THSD7B: variants seen among roughly 807,000 people sequenced by gnomAD.
THSD7B encodes the protein thrombospondin type 1 domain containing 7B, also known as thrombospondin type-1 domain-containing protein 7B.
A neutral mutation model predicts 213.6 loss-of-function variants in THSD7B; 138 were observed. The observed-to-expected ratio is 0.65, with a 90% confidence interval of 0.56 to 0.74. The LOEUF (loss-of-function observed/expected upper bound fraction) is 0.74. THSD7B is among the 30% of genes least tolerant of loss of function. THSD7B has a pLI of 0.00. For missense variants in THSD7B, 1,931 were observed against 1,991.5 expected, an observed-to-expected ratio of 0.97 and a Z score of 0.58; for synonymous variants, 742 against 687.0, an observed-to-expected ratio of 1.08 and a Z score of -1.25.
intron 3 of THSD7B, among the ~76,000 whole-genome samples, chr2:137,059,188 C>T (rs1056846691): frequency 2.6e-5 from 4 of 152,014 alleles, no homozygotes; most frequent in African/African-American, 9.7e-5. Flanking sequence ...AAAAAGAGAG[C>T]ACTCTATGTC....
intron 25 of THSD7B, 52 bp from the exon 26 acceptor site, chr2:137,663,331 A>T: frequency 7.3e-7 from 1 of 1,375,138 alleles, no homozygotes; most frequent in Non-Finnish European, 9.7e-7. Flanking sequence ...ATTTTTATTC[A>T]TTCACCTGTT....
chr2:137,184,948 A>G (rs928672318), intron 7 of THSD7B, among the ~76,000 whole-genome samples: 2 of 152,162 alleles, frequency 1.3e-5, no homozygotes, highest in East Asian at 1.9e-4. Context: ...TGAATTATAT[A>G]TAGTTAGTTA....
At chr2:137,043,425 C>T (rs1332563399) in intron 2 of THSD7B, among the ~76,000 whole-genome samples, 1 of 152,048 alleles carries the variant, frequency 6.6e-6, no homozygotes, top group African/African-American at 2.4e-5. Flanking sequence ...AGGTGTTTCT[C>T]AGTGACCTCG....
intron 1 of THSD7B, among the ~76,000 whole-genome samples, chr2:136,825,526 C>T (rs1682631329): frequency 6.6e-6 from 1 of 151,950 alleles, no homozygotes; most frequent in African/African-American, 2.4e-5. Flanking sequence ...CTTCTTTTCT[C>T]TCATCTTTTT....
intron 14 of THSD7B, among the ~76,000 whole-genome samples, chr2:137,414,674 T>C (rs891098105): frequency 2.0e-5 from 3 of 152,100 alleles, no homozygotes; most frequent in Non-Finnish European, 4.4e-5. Context: ...GAGCCATGAT[T>C]GTGTCACTGC....
chr2:136,845,372 T>C (rs7598540), intron 1 of THSD7B, among the ~76,000 whole-genome samples: 21,188 of 152,282 alleles, frequency 0.14, 2,200 homozygotes, highest in Non-Finnish European at 0.22. Flanking sequence ...TAAATTCTGC[T>C]TCAGGGAAGG....
At chr2:137,212,787 T>C (rs1470285144) in intron 7 of THSD7B, among the ~76,000 whole-genome samples, 1 of 152,016 alleles carries the variant, frequency 6.6e-6, no homozygotes, top group Non-Finnish European at 1.5e-5. Context: ...TGTGAAAACA[T>C]GCACTGAGTC....
chr2:137,569,131 C>T (rs1459834177), intron 16 of THSD7B, among the ~76,000 whole-genome samples: 1 of 152,022 alleles, frequency 6.6e-6, no homozygotes, highest in African/African-American at 2.4e-5. Flanking sequence ...TTGCTGCCTC[C>T]GGAGATGGAG....
At chr2:137,505,741 C>G (rs1679819173) in intron 15 of THSD7B, among the ~76,000 whole-genome samples, 1 of 152,170 alleles carries the variant, frequency 6.6e-6, no homozygotes. Context: ...AGTTGGTATA[C>G]TCACAGTTCC....
chr2:137,571,244 A>G (rs1170245749), intron 16 of THSD7B, among the ~76,000 whole-genome samples: 2 of 152,160 alleles, frequency 1.3e-5, no homozygotes, highest in East Asian at 3.9e-4. Flanking sequence ...TCTTTGGTTC[A>G]ACATTATATT....
rs74887022 is a variant in THSD7B, at chr2:137,182,360, G to A, written c.1723+11422G>A. Among the ~76,000 whole-genome samples, 583 of 152,290 alleles carry A rather than the reference G, an allele frequency of 3.8e-3. 6 individuals carry two copies. The highest frequency in any genetic ancestry group is 0.013 in the African/African-American group (544 of 41,558). ...GAATTAATTCTGACTGGAGAGAGCTGTGTGCCTGGAGAACATAATATTGAC... is the reference window on the plus strand; with the variant it reads ...GAATTAATTCTGACTGGAGAGAGCTATGTGCCTGGAGAACATAATATTGAC... On this transcript the variant is annotated intron_variant, in intron 7 of 27. Coordinates refer to ENST00000409968, the MANE Select transcript of THSD7B (RefSeq NM_001316349.2).
intron 5 of THSD7B, among the ~76,000 whole-genome samples, chr2:137,154,506 A>G (rs1302901434): frequency 6.6e-6 from 1 of 152,180 alleles, no homozygotes; most frequent in Non-Finnish European, 1.5e-5. Context: ...TATTAATTAT[A>G]ATTAATTAAA....
chr2:137,417,575 G>C (rs1321931230), intron 14 of THSD7B, among the ~76,000 whole-genome samples: 1 of 151,950 alleles, frequency 6.6e-6, no homozygotes, highest in Non-Finnish European at 1.5e-5. Context: ...GAGTATCTAG[G>C]ACTACTGGCT....
intron 15 of THSD7B, among the ~76,000 whole-genome samples, chr2:137,551,024 T>C (rs886478015): frequency 4.0e-5 from 6 of 150,690 alleles, no homozygotes; most frequent in South Asian, 2.1e-4. Context: ...AATAAATAAA[T>C]AATAAAAAAG....
intron 5 of THSD7B, among the ~76,000 whole-genome samples, chr2:137,146,526 C>T (rs1679706648): frequency 6.6e-6 from 1 of 152,068 alleles, no homozygotes; most frequent in Non-Finnish European, 1.5e-5. Flanking sequence ...TAGTAGTACT[C>T]ATCTCATAGA....
chr2:137,094,841 G>A (rs1688010683), intron 3 of THSD7B, 32 bp from the exon 4 acceptor site: 1 of 1,598,480 alleles, frequency 6.3e-7, no homozygotes, highest in African/African-American at 1.3e-5. Flanking sequence ...ATTAATATAT[G>A]GCCTCCTATT....
intron 15 of THSD7B, among the ~76,000 whole-genome samples, chr2:137,505,812 A>G (rs935199230): frequency 5.3e-5 from 8 of 152,226 alleles, no homozygotes; most frequent in Non-Finnish European, 7.3e-5. Flanking sequence ...GCTGTCAGGA[A>G]GCAGAGGGAG....
At position 137,341,155 on chromosome 2, in the gene THSD7B, G is replaced by A. The variant is rs147979881; in HGVS notation, c.2501-64458G>A. Among the ~76,000 whole-genome samples, 1,464 of 151,588 alleles carry A rather than the reference G, an allele frequency of 9.7e-3. 8 individuals are homozygous for A. Among genetic ancestry groups the A allele is most frequent in the South Asian group, 0.021 (101 of 4,816 alleles). Reference sequence around the variant, plus strand: ...GAATAGCCATTCTAATATGTGAGACGATACCTCACTGTGGTTTTAATTTGC... The same window carrying A: ...GAATAGCCATTCTAATATGTGAGACAATACCTCACTGTGGTTTTAATTTGC... On this transcript the variant is annotated intron_variant, in intron 12 of 27. Transcript: ENST00000409968.
chr2:137,037,433 C>A (rs541506831), intron 2 of THSD7B, among the ~76,000 whole-genome samples: 2 of 151,894 alleles, frequency 1.3e-5, no homozygotes, highest in Non-Finnish European at 2.9e-5. Context: ...TATACACACA[C>A]GCACATAGAG....
Sources: allele counts gnomAD v4.1 joint callset (sites outside exome capture counted in the v4.1 genomes callset), GRCh38; gene constraint gnomAD v4.1.1; transcripts MANE v1.5; gene names NCBI Gene and HGNC (gene_info 2026-07-23, HGNC 2026-07-21).